GLIS1: variants seen among roughly 807,000 people sequenced by gnomAD.
GLIS1 encodes the protein GLIS family zinc finger 1, also known as zinc finger protein GLIS1.
Under a neutral mutation model 63.8 loss-of-function variants are expected in GLIS1, and 24 were observed. That is an observed-to-expected ratio of 0.38 (90% CI 0.27 to 0.53). The LOEUF (loss-of-function observed/expected upper bound fraction) is 0.53, where lower values mean the gene tolerates loss of function less well. GLIS1 is among the 20% of genes least tolerant of loss of function. GLIS1 has a pLI of 0.85. For missense variants in GLIS1, 1,036 were observed against 1,074.1 expected (o/e 0.96, Z 0.50); for synonymous variants, 450 against 482.5 (o/e 0.93, Z 0.88).
At chr1:53,581,076 C>A (rs533379353) in intron 4 of GLIS1, among the ~76,000 whole-genome samples, 2 of 152,172 alleles carry the variant, frequency 1.3e-5, no homozygotes, top group Admixed American at 6.5e-5. Flanking sequence ...TGTTTCCAGT[C>A]GCAGCAGATG....
At chr1:53,540,911 C>A (rs192599125) in intron 4 of GLIS1, among the ~76,000 whole-genome samples, 132 of 152,340 alleles carry the variant, frequency 8.7e-4, no homozygotes, top group African/African-American at 3.0e-3. Context: ...GTACCACAGG[C>A]AAAGCTCCCT....
chr1:53,563,318 CAG>C (rs1395938541), intron 4 of GLIS1, among the ~76,000 whole-genome samples: 8 of 152,204 alleles, frequency 5.3e-5, no homozygotes, highest in African/African-American at 1.7e-4. Flanking sequence ...TATATACTAA[CAG>C]GGGTGAAATG....
intron 6 of GLIS1, among the ~76,000 whole-genome samples, chr1:53,523,966 C>T (rs1644437737): frequency 6.6e-6 from 1 of 152,244 alleles, no homozygotes; most frequent in African/African-American, 2.4e-5. Flanking sequence ...GCCAGTCACT[C>T]TGGGGAGCGT....
At chr1:53,684,563 A>G (rs1327706383) in intron 2 of GLIS1, among the ~76,000 whole-genome samples, 1 of 152,144 alleles carries the variant, frequency 6.6e-6, no homozygotes, top group Non-Finnish European at 1.5e-5. Flanking sequence ...GCTCTCGCCA[A>G]AGAAATGGAG....
intron 4 of GLIS1, among the ~76,000 whole-genome samples, chr1:53,542,672 G>A (rs1476885800): frequency 2.0e-5 from 3 of 152,232 alleles, no homozygotes; most frequent in African/African-American, 7.2e-5. Flanking sequence ...GAAGCCAGAC[G>A]CATGTACATG....
chr1:53,644,835 G>T (rs1310304424), intron 2 of GLIS1, among the ~76,000 whole-genome samples: 1 of 152,212 alleles, frequency 6.6e-6, no homozygotes, highest in South Asian at 2.1e-4. Flanking sequence ...ACAACAGCAA[G>T]TATTATTTGC....
chr1:53,601,979 C>T (rs1475302747), intron 2 of GLIS1, among the ~76,000 whole-genome samples: 1 of 152,134 alleles, frequency 6.6e-6, no homozygotes, highest in Non-Finnish European at 1.5e-5. Flanking sequence ...TCACAAGGTC[C>T]CAGGGCAGGT....
intron 2 of GLIS1, among the ~76,000 whole-genome samples, chr1:53,667,185 G>T (rs1434469728): frequency 3.3e-5 from 5 of 152,210 alleles, no homozygotes; most frequent in Non-Finnish European, 7.3e-5. Flanking sequence ...TGCCACTCCG[G>T]AGCTTCCCCT....
chr1:53,725,682 C>T (rs564861736), intron 2 of GLIS1, among the ~76,000 whole-genome samples: 93 of 152,304 alleles, frequency 6.1e-4, no homozygotes, highest in African/African-American at 2.2e-3. Context: ...GGGAGCACAG[C>T]GGGCATCCGA....
chr1:53,682,579 T>C (rs1646287658), intron 2 of GLIS1, among the ~76,000 whole-genome samples: 1 of 152,260 alleles, frequency 6.6e-6, no homozygotes, highest in Non-Finnish European at 1.5e-5. Flanking sequence ...CTTCGCTTAT[T>C]AGAATACACC....
intron 4 of GLIS1, among the ~76,000 whole-genome samples, chr1:53,537,275 C>T (rs962016585): frequency 6.6e-6 from 1 of 152,188 alleles, no homozygotes; most frequent in Non-Finnish European, 1.5e-5. Flanking sequence ...CCTTCCTCAG[C>T]AAGCCACACT....
At chr1:53,654,812 T>A (rs1367879838) in intron 2 of GLIS1, among the ~76,000 whole-genome samples, 1 of 151,874 alleles carries the variant, frequency 6.6e-6, no homozygotes, top group Non-Finnish European at 1.5e-5. Flanking sequence ...AAGCCAGGGC[T>A]CCGAGAAAAA....
chr1:53,659,854 G>A (rs1041188613), intron 2 of GLIS1, among the ~76,000 whole-genome samples: 9 of 152,246 alleles, frequency 5.9e-5, no homozygotes, highest in Non-Finnish European at 1.5e-5. Context: ...GATAAGAGTA[G>A]TTAGAACATC....
At position 53,509,931 on chromosome 1, in the gene GLIS1, G is replaced by C. The variant is rs1009160154; in HGVS notation, c.1980C>G (p.Gly660=). 7 of 1,304,674 alleles carry C rather than the reference G, an allele frequency of 5.4e-6. No homozygotes were observed. Among genetic ancestry groups the C allele is most frequent in the Non-Finnish European group, 5.9e-6 (6 of 1,017,878 alleles). 80.8% of individuals were successfully genotyped at this position (1,304,674 alleles called of 1,614,324 possible). A position where few individuals can be genotyped will look rare whatever the true frequency, so the allele number is the denominator to read the frequency against. ...PPSSQSHSPG[G]QPFPTLPSKP... Reference sequence around the variant, plus strand: ...TGCTGGGGAGTGTGGGGAAGGGCTGGCCCCCCGGAGAATGGCTCTGAGAGG... The same window carrying C: ...TGCTGGGGAGTGTGGGGAAGGGCTGCCCCCCCGGAGAATGGCTCTGAGAGG... Residue 660 remains glycine (G), a synonymous_variant, in exon 9 of 11, where the codon GGC becomes GGG. Transcript: ENST00000628545.
intron 2 of GLIS1, among the ~76,000 whole-genome samples, chr1:53,731,090 T>C (rs1426293410): frequency 6.6e-6 from 1 of 152,210 alleles, no homozygotes; most frequent in African/African-American, 2.4e-5. Flanking sequence ...GACCGGGGCC[T>C]TGGCAAGGAA....
At chr1:53,736,067 C>T (rs932806453) in intron 2 of GLIS1, among the ~76,000 whole-genome samples, 2 of 152,156 alleles carry the variant, frequency 1.3e-5, no homozygotes, top group Admixed American at 6.5e-5. Flanking sequence ...GAGTGGGATA[C>T]ATCCCACCAC....
chr1:53,667,395 A>C (rs1190076019), intron 2 of GLIS1, among the ~76,000 whole-genome samples: 1 of 152,224 alleles, frequency 6.6e-6, no homozygotes, highest in Admixed American at 6.5e-5. Flanking sequence ...CATGCTATGA[A>C]GAAACGGAGG....
intron 4 of GLIS1, among the ~76,000 whole-genome samples, chr1:53,589,845 G>A (rs1285320181): frequency 2.0e-5 from 3 of 152,226 alleles, no homozygotes; most frequent in Non-Finnish European, 4.4e-5. Context: ...ACTCAGAGAA[G>A]GTGATCTGCA....
intron 4 of GLIS1, among the ~76,000 whole-genome samples, chr1:53,544,891 C>G (rs1046323630): frequency 6.6e-6 from 1 of 152,148 alleles, no homozygotes; most frequent in Admixed American, 6.5e-5. Context: ...TGCGTGGGAA[C>G]CCAAGCCTCA....
Sources: allele counts gnomAD v4.1 joint callset (sites outside exome capture counted in the v4.1 genomes callset), GRCh38; gene constraint gnomAD v4.1.1; transcripts MANE v1.5; gene names NCBI Gene and HGNC (gene_info 2026-07-23, HGNC 2026-07-21).